RELN: variants seen among roughly 807,000 people sequenced by gnomAD.
The protein encoded by RELN is reelin.
Under a neutral mutation model 427.6 loss-of-function variants are expected in RELN, and 108 were observed. The ratio of observed to expected loss-of-function variants is 0.25; its 90% confidence interval spans 0.22 to 0.30. RELN has a LOEUF of 0.30. RELN is among the 10% of genes least tolerant of loss of function. RELN has a pLI of 1.00. For missense variants in RELN, 3,715 were observed against 4,302.8 expected (o/e 0.86, Z 3.82); for synonymous variants, 1,524 against 1,513.4 (o/e 1.01, Z -0.16).
intron 2 of RELN, among the ~76,000 whole-genome samples, chr7:103,860,866 T>C (rs777802005): frequency 6.6e-6 from 1 of 152,180 alleles, no homozygotes; most frequent in Non-Finnish European, 1.5e-5. Flanking sequence ...AACTTTGCTA[T>C]GAAAAGTTCA....
intron 8 of RELN, among the ~76,000 whole-genome samples, chr7:103,704,805 C>T (rs967807400): frequency 6.6e-6 from 1 of 152,146 alleles, no homozygotes; most frequent in African/African-American, 2.4e-5. Context: ...TCCACTTTCT[C>T]ACAATCTATT....
At chr7:103,492,941 G>T (rs1197635643) in intron 57 of RELN, among the ~76,000 whole-genome samples, 1 of 152,136 alleles carries the variant, frequency 6.6e-6, no homozygotes, top group Non-Finnish European at 1.5e-5. Context: ...AGCATGTTTT[G>T]GTCCAAGTAT....
intron 43 of RELN, among the ~76,000 whole-genome samples, chr7:103,542,419 C>A (rs1163717985): frequency 6.6e-6 from 1 of 152,170 alleles, no homozygotes; most frequent in African/African-American, 2.4e-5. Flanking sequence ...AAAGAAGACA[C>A]AATATTTTAT....
chr7:103,473,838 G>A (rs1005591910), intron 64 of RELN, among the ~76,000 whole-genome samples: 4 of 152,150 alleles, frequency 2.6e-5, no homozygotes, highest in African/African-American at 7.2e-5. Context: ...GCATCAATAT[G>A]TGGTTTATGA....
At chr7:103,639,438 C>T (rs1832652267) in intron 17 of RELN, among the ~76,000 whole-genome samples, 1 of 143,862 alleles carries the variant, frequency 7.0e-6, no homozygotes, top group Non-Finnish European at 1.5e-5. Context: ...CTCACTCTGT[C>T]GCCCAGGCTG....
At position 103,553,491 on chromosome 7, in the gene RELN, A is replaced by G. The variant is rs750693694; in HGVS notation, c.6042T>C (p.Asn2014=). The G allele has an allele frequency of 2.5e-6, 4 of 1,613,786 alleles. No homozygotes were observed. Among genetic ancestry groups the G allele is most frequent in the African/African-American group, 1.3e-5 (1 of 74,916 alleles). The change falls in exon 40 of 65, where the codon AAT becomes AAC. Residue 2014 remains asparagine, a synonymous_variant. Coordinates refer to ENST00000428762, the MANE Select transcript of RELN (RefSeq NM_005045.4). ...GEHSITTRDL[N]VNENTIIQFE... is the part of the protein sequence containing the mutation. ...ATTGTATGATGGTGTTCTCATTCAC[A>G]TTTAGGTCACGGGTGGTAATGGAAT... is the stretch of plus-strand genomic sequence containing the variant.
intron 2 of RELN, among the ~76,000 whole-genome samples, chr7:103,915,450 A>G (rs1401600169): frequency 2.6e-5 from 4 of 151,344 alleles, no homozygotes; most frequent in Non-Finnish European, 5.9e-5. Flanking sequence ...ACATGGATCA[A>G]CATCACCTGG....
At position 103,988,001 on chromosome 7, in the gene RELN, T is replaced by C. The variant is rs1018623917; in HGVS notation, c.226+1130A>G. Among the ~76,000 whole-genome samples the C allele has an allele frequency of 1.2e-4, 18 of 152,320 alleles. No homozygotes were observed. Among genetic ancestry groups the C allele is most frequent in the South Asian group, 2.1e-4 (1 of 4,832 alleles). On this transcript the variant is annotated intron_variant, in intron 1 of 64. Coordinates refer to ENST00000428762, the MANE Select transcript of RELN (RefSeq NM_005045.4). The surrounding 1 kb of genome is among the most constrained non-coding windows in gnomAD (Gnocchi z 4.9). ...GATTCTTACAATTTTTAAATGCTTG[T>C]CTATCTTAAGTGCTAGCACCCCGTA... is the stretch of plus-strand genomic sequence containing the variant.
At chr7:103,704,089 T>A (rs183701059) in intron 8 of RELN, among the ~76,000 whole-genome samples, 1 of 152,166 alleles carries the variant, frequency 6.6e-6, no homozygotes, top group Non-Finnish European at 1.5e-5. Context: ...AGAAATGATG[T>A]TTTTTGTGAA....
chr7:103,549,971 G>A (rs1830377541), intron 41 of RELN, among the ~76,000 whole-genome samples: 1 of 152,150 alleles, frequency 6.6e-6, no homozygotes. Context: ...ATGATCTCCA[G>A]AGACACTCTT....
At chr7:103,964,556 G>A (rs1181914695) in intron 1 of RELN, among the ~76,000 whole-genome samples, 1 of 152,134 alleles carries the variant, frequency 6.6e-6, no homozygotes, top group Non-Finnish European at 1.5e-5. Flanking sequence ...TCACTCCTGG[G>A]AGTCCACTAA....
intron 46 of RELN, among the ~76,000 whole-genome samples, chr7:103,530,998 C>G (rs1247652926): frequency 1.3e-5 from 2 of 152,202 alleles, no homozygotes; most frequent in Admixed American, 6.5e-5. Flanking sequence ...TGGGCTCACT[C>G]TCATTCAAGA....
At chr7:103,500,672 C>G in intron 53 of RELN, 73 bp downstream of exon 53, 3 of 1,458,344 alleles carry the variant, frequency 2.1e-6, no homozygotes, top group Non-Finnish European at 2.9e-6. Context: ...TAGATTATGT[C>G]TCATACATAA....
chr7:103,957,498 G>T (rs983117806), intron 1 of RELN, among the ~76,000 whole-genome samples: 4 of 152,140 alleles, frequency 2.6e-5, no homozygotes, highest in African/African-American at 9.7e-5. Flanking sequence ...GTATTATAGA[G>T]AAACCAGAGG....
At chr7:103,614,354 T>C (rs1832033298) in intron 20 of RELN, among the ~76,000 whole-genome samples, 1 of 152,226 alleles carries the variant, frequency 6.6e-6, no homozygotes, top group Non-Finnish European at 1.5e-5. Context: ...GGGGTGGCCA[T>C]GTGTCCAGCA....
chr7:103,648,421 A>T, intron 16 of RELN, among the ~76,000 whole-genome samples: 1 of 152,086 alleles, frequency 6.6e-6, no homozygotes, highest in East Asian at 1.9e-4. Flanking sequence ...GAGACAACTA[A>T]ATCTCTTTTC....
At chr7:103,958,579 A>T (rs1267382081) in intron 1 of RELN, among the ~76,000 whole-genome samples, 1 of 152,150 alleles carries the variant, frequency 6.6e-6, no homozygotes, top group African/African-American at 2.4e-5. Context: ...TTCAGTGAAT[A>T]TCTATGTGTG....
rs571660436 is a variant in RELN, at chr7:103,511,112, T to C, written c.8120-107A>G. 38 of 753,014 alleles carry C rather than the reference T, an allele frequency of 5.0e-5. No individual in the cohort carries two copies. The South Asian group carries it at 5.3e-4, about 11-fold the overall frequency. The allele number at this position is 753,014 out of a possible 1,614,324, so 46.6% of individuals were successfully genotyped here. On this transcript the variant is annotated intron_variant, in intron 50 of 64. Transcript: ENST00000428762. ...AATTATTTTAAGTAGAAACTGCTCATATTATATACACTCTATAGACAAAAC... is the reference window on the plus strand; with the variant it reads ...AATTATTTTAAGTAGAAACTGCTCACATTATATACACTCTATAGACAAAAC...
chr7:103,777,553 G>A (rs764782606), intron 3 of RELN, among the ~76,000 whole-genome samples: 5 of 152,138 alleles, frequency 3.3e-5, no homozygotes, highest in Non-Finnish European at 7.4e-5. Flanking sequence ...ACAAGGCACT[G>A]TACTAGCTCA....
Sources: allele counts gnomAD v4.1 joint callset (sites outside exome capture counted in the v4.1 genomes callset), GRCh38; gene constraint gnomAD v4.1.1; non-coding constraint Gnocchi (gnomAD v3.1); transcripts MANE v1.5; gene names NCBI Gene and HGNC (gene_info 2026-07-23, HGNC 2026-07-21).